HSD17B11: variants seen among roughly 807,000 people sequenced by gnomAD.
HSD17B11 encodes estradiol 17-beta-dehydrogenase 11.
HSD17B11 carries 22 observed loss-of-function variants against 27.8 expected under a neutral mutation model. The observed-to-expected ratio is 0.79, with a 90% CI of 0.56 to 1.13. The LOEUF is 1.13. HSD17B11 is among the 50% of genes most tolerant of loss of function. The pLI is 0.00. For missense variants in HSD17B11, 314 were observed against 351.1 expected (o/e 0.89, Z 0.84); for synonymous variants, 117 against 132.8 (o/e 0.88, Z 0.82).
intron 2 of HSD17B11, among the ~76,000 whole-genome samples, chr4:87,381,360 ATTAAGGTATTTAG>A (rs1720163287): frequency 6.6e-6 from 1 of 152,158 alleles, no homozygotes; most frequent in African/African-American, 2.4e-5. Flanking sequence ...CCTTGCTGCC[ATTAAGGTATTTAG>A]TTAACAGGTA....
At chr4:87,359,985 A>G (rs1735475024) in intron 4 of HSD17B11, among the ~76,000 whole-genome samples, 1 of 152,230 alleles carries the variant, frequency 6.6e-6, no homozygotes, top group African/African-American at 2.4e-5. Flanking sequence ...ATAAATGGCT[A>G]AAGGGCATTC....
intron 4 of HSD17B11, among the ~76,000 whole-genome samples, chr4:87,362,260 C>T: frequency 6.6e-6 from 1 of 152,234 alleles, no homozygotes; most frequent in East Asian, 1.9e-4. Context: ...TGCAGTGGCT[C>T]ACGCCTGTAA....
chr4:87,359,335 G>A (rs757863373), intron 4 of HSD17B11, among the ~76,000 whole-genome samples: 7 of 152,216 alleles, frequency 4.6e-5, no homozygotes, highest in Non-Finnish European at 8.8e-5. Flanking sequence ...AGATTACTAA[G>A]TGCTAGACAT....
chr4:87,336,835 A>C lies in HSD17B11; in HGVS notation c.*441T>G, dbSNP rs1437089372. ...TTCATGATATTCATTGTGAAATACC[A>C]CTAGATATAGTCCTTCATTTTATTT... is the stretch of plus-strand genomic sequence containing the variant. On this transcript the variant is annotated 3_prime_UTR_variant, in exon 7 of 7. Transcript: ENST00000358290. 1 of 166,574 alleles carries C rather than the reference A, an allele frequency of 6.0e-6. No homozygotes were observed. The highest frequency in any genetic ancestry group is 1.8e-4 in the East Asian group (1 of 5,406). The allele number at this position is 166,574 out of a possible 1,614,324, so 10.3% of individuals were successfully genotyped here.
chr4:87,387,524 T>G (rs905638315), intron 1 of HSD17B11, among the ~76,000 whole-genome samples: 2 of 152,214 alleles, frequency 1.3e-5, no homozygotes, highest in Non-Finnish European at 2.9e-5. Flanking sequence ...CTACCTGGAC[T>G]GCTCCAAATC....
rs116114168 is a variant in HSD17B11, at chr4:87,378,074, C to T, written c.319-3244G>A. On this transcript the variant is annotated intron_variant, in intron 2 of 6. Coordinates refer to ENST00000358290, the MANE Select transcript of HSD17B11 (RefSeq NM_016245.5). ...CAAGCCACCCCAAACAGAAAGGAGG[C>T]CATGGGCAAAAGTCTACCAGTACTC... Among the ~76,000 whole-genome samples, 413 of 152,236 alleles carry T rather than the reference C, an allele frequency of 2.7e-3. 1 individual carries two copies. Among genetic ancestry groups the T allele is most frequent in the Middle Eastern group, 6.8e-3 (2 of 294 alleles).
At chr4:87,375,102 T>C (rs1322181890) in intron 2 of HSD17B11, among the ~76,000 whole-genome samples, 2 of 152,300 alleles carry the variant, frequency 1.3e-5, no homozygotes, top group East Asian at 3.9e-4. Context: ...TTTCACCATG[T>C]TAGCTAGGCT....
At chr4:87,389,602 C>T (rs1343011356) in intron 1 of HSD17B11, among the ~76,000 whole-genome samples, 4 of 152,160 alleles carry the variant, frequency 2.6e-5, no homozygotes, top group Non-Finnish European at 4.4e-5. Flanking sequence ...GTCACCCTAT[C>T]CCTAATGTCT....
At chr4:87,367,259 T>C (rs935788630) in intron 4 of HSD17B11, among the ~76,000 whole-genome samples, 2 of 152,150 alleles carry the variant, frequency 1.3e-5, no homozygotes, top group African/African-American at 4.8e-5. Flanking sequence ...GTAAAGCCAA[T>C]AAAAGCCCTA....
chr4:87,346,308 A>T (rs745901091), intron 5 of HSD17B11, among the ~76,000 whole-genome samples: 2 of 152,200 alleles, frequency 1.3e-5, no homozygotes, highest in Non-Finnish European at 2.9e-5. Context: ...ATGCAGTCTG[A>T]TTTATATAAT....
chr4:87,367,241 C>T (rs761203223), intron 4 of HSD17B11, among the ~76,000 whole-genome samples: 1 of 152,162 alleles, frequency 6.6e-6, no homozygotes, highest in Non-Finnish European at 1.5e-5. Flanking sequence ...AAGAATCAAA[C>T]TTGACTTGTA....
chr4:87,367,189 T>C (rs1478726879), intron 4 of HSD17B11, among the ~76,000 whole-genome samples: 2 of 152,232 alleles, frequency 1.3e-5, no homozygotes, highest in African/African-American at 4.8e-5. Flanking sequence ...AGAAATTGGT[T>C]ATTTTACCAA....
At position 87,390,968 on chromosome 4, in the gene HSD17B11, T is replaced by A. The variant is rs1238933233; in HGVS notation, c.103A>T (p.Thr35Ser). 6.2e-7 allele frequency: 1 copy of A among 1,614,142 alleles called. No individual in the cohort carries two copies. The highest frequency in any genetic ancestry group is 8.5e-7 in the Non-Finnish European group (1 of 1,180,002). ...CCTGTAATCAGCACGATTTCGCCGG[T>A]GACTGATTTTCTCCTCTTAGGAATA... ...LFIPKRRKSV[T>S]GEIVLITGAG... The change falls in exon 1 of 7, where the codon ACC (threonine) becomes TCC (serine). Residue 35 changes from threonine to serine, a missense_variant. Transcript: ENST00000358290.
chr4:87,387,978 G>A (rs894082270), intron 1 of HSD17B11, among the ~76,000 whole-genome samples: 1 of 151,908 alleles, frequency 6.6e-6, no homozygotes, highest in Non-Finnish European at 1.5e-5. Flanking sequence ...CCTAAGCCCA[G>A]CAGCTGGAGG....
At chr4:87,355,173 T>G (rs915944301) in intron 5 of HSD17B11, among the ~76,000 whole-genome samples, 3 of 152,046 alleles carry the variant, frequency 2.0e-5, no homozygotes, top group Non-Finnish European at 4.4e-5. Context: ...TCCAAAAGTC[T>G]ATCCAAGTAA....
At chr4:87,359,927 G>C (rs187349290) in intron 4 of HSD17B11, among the ~76,000 whole-genome samples, 1 of 152,094 alleles carries the variant, frequency 6.6e-6, no homozygotes, top group Non-Finnish European at 1.5e-5. Flanking sequence ...CAAGGATAAG[G>C]TTAATATATG....
In HSD17B11 at chr4:87,337,228, A is replaced by G. The variant is rs367692388; in HGVS notation, c.*48T>C. The G allele has an allele frequency of 1.8e-6, 2 of 1,105,228 alleles. No individual in the cohort carries two copies. The highest frequency in any genetic ancestry group is 2.8e-6 in the Non-Finnish European group (2 of 720,892). 68.5% of individuals were successfully genotyped at this position (1,105,228 alleles called of 1,614,324 possible). ...AACATTAAAATTCTGGCACTATTAG[A>G]TGACATCAACCTAAACCTGGTAAAT... is the stretch of plus-strand genomic sequence containing the variant. On this transcript the variant is annotated 3_prime_UTR_variant, in exon 7 of 7. Coordinates refer to ENST00000358290, the MANE Select transcript of HSD17B11 (RefSeq NM_016245.5).
At chr4:87,347,116 CT>C (rs70957224) in intron 5 of HSD17B11, among the ~76,000 whole-genome samples, 66 of 44,314 alleles carry the variant, frequency 1.5e-3, no homozygotes, top group East Asian at 9.4e-3. Context: ...TTTTTTTTTT[CT>C]TTTTTTTTTT....
At chr4:87,373,611 A>G (rs67026749) in intron 3 of HSD17B11, among the ~76,000 whole-genome samples, 54,352 of 151,768 alleles carry the variant, frequency 0.36, 11,025 homozygotes, top group African/African-American at 0.54. Context: ...TAGGGAGGCC[A>G]AGGTGGGAAG....
Sources: allele counts gnomAD v4.1 joint callset (sites outside exome capture counted in the v4.1 genomes callset), GRCh38; gene constraint gnomAD v4.1.1; transcripts MANE v1.5; gene names NCBI Gene and HGNC (gene_info 2026-07-23, HGNC 2026-07-21).